Variants in RAB8A observed in about 807,000 individuals in gnomAD.
RAB8A encodes ras-related protein Rab-8A.
Under a neutral mutation model 29.2 loss-of-function variants are expected in RAB8A, and 5 were observed. The ratio of observed to expected loss-of-function variants is 0.17; its 90% CI spans 0.09 to 0.36. The LOEUF (loss-of-function observed/expected upper bound fraction) is 0.36. RAB8A is among the 10% of genes least tolerant of loss of function. RAB8A has a pLI of 1.00. For missense variants in RAB8A, 171 were observed against 272.2 expected (o/e 0.63, Z 2.62); for synonymous variants, 108 against 99.9 (o/e 1.08, Z -0.49).
rs891776348 is a variant in RAB8A, at chr19:16,128,719, T to C, written c.480+628T>C. Among the ~76,000 whole-genome samples, 5 of 152,288 alleles carry C rather than the reference T, an allele frequency of 3.3e-5. No individual in the cohort carries two copies. The East Asian group carries it at 9.7e-4, about 29-fold the overall frequency. On this transcript the variant is annotated intron_variant, in intron 6 of 7. Transcript: ENST00000300935. ...GCCACCCAGGGCTCAGGCCTTGCCC[T>C]CCCCAGGCCACCTGGGCTGCTCCCT... is the stretch of plus-strand genomic sequence containing the variant.
At chr19:16,128,768 C>T (rs1401518851) in intron 6 of RAB8A, among the ~76,000 whole-genome samples, 2 of 152,186 alleles carry the variant, frequency 1.3e-5, no homozygotes, top group Admixed American at 6.5e-5. Context: ...ACTGCATTTC[C>T]CTCCTGTGTG....
chr19:16,116,666 C>T (rs933598823), intron 1 of RAB8A, among the ~76,000 whole-genome samples: 2 of 152,152 alleles, frequency 1.3e-5, no homozygotes, highest in Non-Finnish European at 2.9e-5. Context: ...GAAACCCTGT[C>T]TCTACTAAAA....
chr19:16,113,859 C>G (rs1408442757), intron 1 of RAB8A, among the ~76,000 whole-genome samples: 2 of 152,132 alleles, frequency 1.3e-5, no homozygotes, highest in Non-Finnish European at 2.9e-5. Flanking sequence ...GTCTGCCCAG[C>G]CTAGTGCCCT....
chr19:16,121,832 GT>G (rs780525100), intron 3 of RAB8A, 22 bp downstream of exon 3: 146 of 1,601,598 alleles, frequency 9.1e-5, no homozygotes, highest in Non-Finnish European at 1.2e-4. Context: ...TTGTTTGGTT[GT>G]TTTTATCTGC....
At chr19:16,116,054 T>A (rs866567727) in intron 1 of RAB8A, among the ~76,000 whole-genome samples, 1 of 152,306 alleles carries the variant, frequency 6.6e-6, no homozygotes, top group Middle Eastern at 3.4e-3. Flanking sequence ...TGTATGTCAG[T>A]TATGTTAATA....
chr19:16,124,560 G>C (rs898477696), intron 3 of RAB8A: 3 of 152,306 alleles, frequency 2.0e-5, no homozygotes, highest in African/African-American at 7.2e-5. Context: ...ACTTGTGATG[G>C]CACTGCAGGC....
intron 7 of RAB8A, among the ~76,000 whole-genome samples, chr19:16,130,318 C>T (rs1340399364): frequency 6.6e-6 from 1 of 152,174 alleles, no homozygotes; most frequent in Non-Finnish European, 1.5e-5. Flanking sequence ...TGCCCTTTCC[C>T]GGCCATGTTA....
Position 16,125,353 on chromosome 19 carries a change from A to G in RAB8A, c.247-117A>G. The G allele has an allele frequency of 1.2e-6, 1 of 852,296 alleles. No individual in the cohort carries two copies. The highest frequency in any genetic ancestry group is 1.9e-6 in the Non-Finnish European group (1 of 532,120). The allele number at this position is 852,296 out of a possible 1,614,324, so 52.8% of individuals were successfully genotyped here. On this transcript the variant is annotated intron_variant, in intron 3 of 7. Transcript: ENST00000300935. This position sits in a 1 kb window ranked among gnomAD's most constrained non-coding sequence, Gnocchi z 5.0. ...ACAGAGGTGGGGAGGGCGGCAGCTAATGGGCCTGGCTGTGCAGTGGGTGCT... is the reference window on the plus strand; with the variant it reads ...ACAGAGGTGGGGAGGGCGGCAGCTAGTGGGCCTGGCTGTGCAGTGGGTGCT...
At chr19:16,128,005 G>C (rs746096342) in intron 5 of RAB8A, 21 bp from the exon 6 acceptor site, 4 of 1,613,694 alleles carry the variant, frequency 2.5e-6, no homozygotes, top group Non-Finnish European at 3.4e-6. Context: ...GTGCTCATGC[G>C]TGTGCCTCCC....
In RAB8A at chr19:16,111,976, G is replaced by A; in HGVS notation, c.75G>A (p.Leu25=). The A allele has an allele frequency of 1.2e-6, 2 of 1,614,074 alleles. No homozygotes were observed. Among genetic ancestry groups the A allele is most frequent in the Admixed American group, 1.7e-5 (1 of 60,026 alleles). ...CGGGGGTGGGGAAGACCTGTGTCCT[G>A]TTCCGCTTCTCCGAGGACGCCTTCA... ...GDSGVGKTCV[L]FRFSEDAFNS... The change falls in exon 1 of 8, where the codon CTG becomes CTA. Residue 25 remains leucine, a synonymous_variant. Transcript: ENST00000300935.
intron 1 of RAB8A, among the ~76,000 whole-genome samples, chr19:16,117,113 T>C (rs2090849604): frequency 6.6e-6 from 1 of 152,194 alleles, no homozygotes; most frequent in Non-Finnish European, 1.5e-5. Context: ...CTCCGTTCCT[T>C]TTTATGACTG....
chr19:16,131,347 G>C (rs550582233), intron 7 of RAB8A, among the ~76,000 whole-genome samples: 3 of 152,200 alleles, frequency 2.0e-5, no homozygotes, highest in African/African-American at 7.2e-5. Context: ...TGGATGGATG[G>C]GTAGAAGATA....
intron 2 of RAB8A, among the ~76,000 whole-genome samples, chr19:16,118,782 G>A (rs565789884): frequency 1.9e-4 from 29 of 152,322 alleles, no homozygotes; most frequent in African/African-American, 6.7e-4. Flanking sequence ...ACCCCAAACC[G>A]AAATTAAGCG....
In RAB8A at chr19:16,133,259, G is replaced by A. The variant is rs1430781818; in HGVS notation, c.*955G>A. On this transcript the variant is annotated 3_prime_UTR_variant, in exon 8 of 8. Coordinates refer to ENST00000300935, the MANE Select transcript of RAB8A (RefSeq NM_005370.5). ...AACCTGGGTGATCGGGAACAAGCAC[G>A]TTGTACCCTTGGCTGGACATGGCCA... 3 of 152,340 alleles carry A rather than the reference G, an allele frequency of 2.0e-5. No homozygotes were observed. Among genetic ancestry groups the A allele is most frequent in the Non-Finnish European group, 2.9e-5 (2 of 68,056 alleles). 9.4% of individuals were successfully genotyped at this position (152,340 alleles called of 1,614,324 possible). A position where few individuals can be genotyped will look rare whatever the true frequency, so the allele number is the denominator to read the frequency against.
Position 16,128,105 on chromosome 19 carries a change from C to T in RAB8A, c.480+14C>T. 6.2e-7 allele frequency: 1 copy of T among 1,613,054 alleles called. No homozygotes were observed. The highest frequency in any genetic ancestry group is 8.5e-7 in the Non-Finnish European group (1 of 1,179,028). On this transcript the variant is annotated intron_variant, in intron 6 of 7. Transcript: ENST00000300935. ...AATGTGGAAAATGTGAGTCCCGGGC[C>T]CTGCTGGGAGACATGGGGCCTGCAG...
intron 1 of RAB8A, among the ~76,000 whole-genome samples, chr19:16,115,730 C>T (rs2090843463): frequency 6.6e-6 from 1 of 152,206 alleles, no homozygotes; most frequent in Admixed American, 6.5e-5. Context: ...GGGGTACCAG[C>T]TTCTAGCAAA....
chr19:16,127,917 C>G lies in RAB8A; in HGVS notation c.415-109C>G, dbSNP rs527741776. ...GGAAGTCACGCCCACAGCCCCAGCCCTGTTGCTGCTCCCTCTTGGCGCCGG... is the reference window on the plus strand; with the variant it reads ...GGAAGTCACGCCCACAGCCCCAGCCGTGTTGCTGCTCCCTCTTGGCGCCGG... On this transcript the variant is annotated intron_variant, in intron 5 of 7. Transcript: ENST00000300935. The surrounding 1 kb of genome is among the most constrained non-coding windows in gnomAD (Gnocchi z 4.8). 21 of 1,109,810 alleles carry G rather than the reference C, an allele frequency of 1.9e-5. No individual in the cohort carries two copies. The South Asian group carries it at 2.4e-4, about 13-fold the overall frequency. 68.7% of individuals were successfully genotyped at this position (1,109,810 alleles called of 1,614,324 possible).
chr19:16,131,733 G>C (rs936081532), intron 7 of RAB8A, among the ~76,000 whole-genome samples: 6 of 150,722 alleles, frequency 4.0e-5, no homozygotes, highest in Non-Finnish European at 7.4e-5. Context: ...TGAGTGGATG[G>C]TTCTTGGTTG....
At chr19:16,123,640 A>G (rs1226372578) in intron 3 of RAB8A, 1 of 152,084 alleles carries the variant, frequency 6.6e-6, no homozygotes, top group Non-Finnish European at 1.5e-5. Flanking sequence ...ATTTTAAAAA[A>G]CATTGAAAAT....
Sources: gnomAD v4.1 joint callset for allele counts (sites outside exome capture counted in the v4.1 genomes callset) on GRCh38, gnomAD v4.1.1 for gene constraint, Gnocchi (gnomAD v3.1) non-coding constraint, MANE v1.5 for transcripts, NCBI Gene and HGNC (gene_info 2026-07-23, HGNC 2026-07-21) for gene names.